DAP: variants seen among roughly 807,000 people sequenced by gnomAD.
DAP encodes death-associated protein 1.
In DAP, 8 loss-of-function variants were observed where a neutral mutation model predicts 13.8. The ratio of observed to expected loss-of-function variants is 0.58; its 90% confidence interval spans 0.34 to 1.05. DAP has a LOEUF of 1.05. Ranked by LOEUF, DAP falls within the 50% of genes least tolerant of loss-of-function variation. The probability of loss-of-function intolerance (pLI) is 0.03; values close to 1 mark genes in which losing one functional copy is unlikely to be tolerated. For synonymous variants in DAP, 47 were observed against 47.5 expected, an observed-to-expected ratio of 0.99 and a Z score of 0.04; for missense variants, 106 against 133.2, an observed-to-expected ratio of 0.80 and a Z score of 1.01.
Position 10,745,390 on chromosome 5 carries a change from GAAC to G in DAP, c.152+2782_152+2784del, listed in dbSNP as rs1402491708. On this transcript the variant is annotated intron_variant, in intron 2 of 3. Coordinates refer to ENST00000230895, the MANE Select transcript of DAP (RefSeq NM_004394.3). ...TGTATCCTAGCAATTTGGCTGCAGG[GAAC>G]AACAACAACAAAAGCCTTGCTCATG... is the stretch of plus-strand genomic sequence containing the variant. 9.9e-5 allele frequency among the ~76,000 whole-genome samples: 15 copies of G among 152,264 alleles called. No individual in the cohort carries two copies. In the Middle Eastern group the frequency reaches 0.01, roughly 104 times the overall value.
At chr5:10,748,601 A>C (rs1739970484) in intron 1 of DAP, among the ~76,000 whole-genome samples, 1 of 152,328 alleles carries the variant, frequency 6.6e-6, no homozygotes, top group South Asian at 2.1e-4. Flanking sequence ...TCAGTTCTCC[A>C]CAGTCTCAAC....
At chr5:10,681,573 TGTGG>T in intron 3 of DAP, among the ~76,000 whole-genome samples, 1 of 149,432 alleles carries the variant, frequency 6.7e-6, no homozygotes, top group African/African-American at 2.5e-5. Context: ...GCATGGTGTT[TGTGG>T]GTGAGGAACC....
chr5:10,726,319 G>C (rs552099589), intron 2 of DAP, among the ~76,000 whole-genome samples: 2 of 152,340 alleles, frequency 1.3e-5, no homozygotes, highest in African/African-American at 4.8e-5. Flanking sequence ...GAAATGTGTA[G>C]GCTTCACTTG....
rs1369784015 is a variant in DAP, at chr5:10,748,310, T to C, written c.56-39A>G. Reference sequence around the variant, plus strand: ...AGAGAGTGTGGGATTAATGTGGAAATGGGGCTGCCTGTGGATCAGGGGGAC... The same window carrying C: ...AGAGAGTGTGGGATTAATGTGGAAACGGGGCTGCCTGTGGATCAGGGGGAC... On this transcript the variant is annotated intron_variant, in intron 1 of 3. Coordinates refer to ENST00000230895, the MANE Select transcript of DAP (RefSeq NM_004394.3). The C allele has an allele frequency of 1.9e-6, 3 of 1,559,404 alleles. No individual in the cohort carries two copies. The South Asian group carries it at 3.3e-5, about 17-fold the overall frequency.
intron 2 of DAP, among the ~76,000 whole-genome samples, chr5:10,702,170 G>A (rs1343758087): frequency 3.9e-5 from 6 of 152,282 alleles, no homozygotes; most frequent in South Asian, 2.1e-4. Context: ...TGTGCCCAGC[G>A]CCTGGCACAT....
chr5:10,705,960 T>C (rs1347524013), intron 2 of DAP, among the ~76,000 whole-genome samples: 1 of 152,150 alleles, frequency 6.6e-6, no homozygotes, highest in Non-Finnish European at 1.5e-5. Flanking sequence ...AAAGCATTTC[T>C]CAAATATGCA....
chr5:10,747,956 C>T (rs1285451185), intron 2 of DAP: 24 of 468,154 alleles, frequency 5.1e-5, no homozygotes, highest in Admixed American at 1.1e-4. Context: ...AGGGTGGGCG[C>T]GTGGCAACTG....
intron 2 of DAP, among the ~76,000 whole-genome samples, chr5:10,743,730 C>T (rs1427712066): frequency 6.6e-6 from 1 of 152,174 alleles, no homozygotes; most frequent in Non-Finnish European, 1.5e-5. Flanking sequence ...GGCTTGGAAA[C>T]CACCAGTTTC....
intron 2 of DAP, among the ~76,000 whole-genome samples, chr5:10,747,692 A>G (rs1309960256): frequency 6.6e-6 from 1 of 152,214 alleles, no homozygotes. Context: ...CTGGAGTACA[A>G]AAGACTCACA....
At chr5:10,741,235 C>T (rs1213000518) in intron 2 of DAP, among the ~76,000 whole-genome samples, 1 of 152,110 alleles carries the variant, frequency 6.6e-6, no homozygotes, top group Admixed American at 6.5e-5. Flanking sequence ...CACCTCTAGT[C>T]CTAGCTACTT....
At chr5:10,741,176 C>A (rs997298044) in intron 2 of DAP, among the ~76,000 whole-genome samples, 17 of 135,690 alleles carry the variant, frequency 1.3e-4, no homozygotes, top group African/African-American at 4.1e-4. Context: ...TGTGGTGAGA[C>A]CTGGTCTCTA....
chr5:10,710,911 G>T (rs937730982), intron 2 of DAP, among the ~76,000 whole-genome samples: 4 of 152,216 alleles, frequency 2.6e-5, no homozygotes, highest in Non-Finnish European at 4.4e-5. Flanking sequence ...GGGAAGTGGT[G>T]AGGGCTGAGG....
intron 1 of DAP, among the ~76,000 whole-genome samples, chr5:10,751,323 A>T (rs1404789873): frequency 2.6e-5 from 4 of 152,218 alleles, no homozygotes; most frequent in Non-Finnish European, 4.4e-5. Flanking sequence ...ATCTAAGATT[A>T]AAAAGATTTC....
At chr5:10,748,355 T>C in intron 1 of DAP, 84 bp from the exon 2 acceptor site, 6 of 1,065,508 alleles carry the variant, frequency 5.6e-6, no homozygotes, top group Non-Finnish European at 8.7e-6. Flanking sequence ...AGGTTCTGGT[T>C]GCTCAGTGGC....
intron 3 of DAP, among the ~76,000 whole-genome samples, chr5:10,681,730 C>A (rs1318837524): frequency 1.0e-4 from 15 of 143,536 alleles, no homozygotes; most frequent in African/African-American, 3.9e-4. Flanking sequence ...CACCAGCGTC[C>A]CTACAGGAAG....
chr5:10,749,673 T>C (rs1739998020), intron 1 of DAP, among the ~76,000 whole-genome samples: 2 of 151,522 alleles, frequency 1.3e-5, no homozygotes, highest in Admixed American at 6.6e-5. Flanking sequence ...CTTAGTGTGC[T>C]ACCTGCATGA....
chr5:10,683,211 C>A, intron 3 of DAP: 1 of 412,352 alleles, frequency 2.4e-6, no homozygotes, highest in Middle Eastern at 6.9e-4. Flanking sequence ...AGAACAGCAG[C>A]CCTATGGACG....
At chr5:10,699,982 C>T (rs755651195) in intron 2 of DAP, among the ~76,000 whole-genome samples, 1 of 152,226 alleles carries the variant, frequency 6.6e-6, no homozygotes, top group African/African-American at 2.4e-5. Flanking sequence ...GGATGATGGA[C>T]AGAGCAAGCT....
intron 2 of DAP, among the ~76,000 whole-genome samples, chr5:10,737,354 A>AC (rs1481473270): frequency 2.0e-5 from 3 of 147,504 alleles, no homozygotes; most frequent in East Asian, 1.9e-4. Context: ...TCAAAAAAAA[A>AC]ACAAAAACAA....
Sources: allele counts gnomAD v4.1 joint callset (sites outside exome capture counted in the v4.1 genomes callset), GRCh38; gene constraint gnomAD v4.1.1; transcripts MANE v1.5; gene names NCBI Gene and HGNC (gene_info 2026-07-23, HGNC 2026-07-21).